RYR2: variants seen among roughly 807,000 people sequenced by gnomAD.
RYR2 encodes the protein ryanodine receptor 2, also known as cardiac muscle ryanodine receptor-calcium release channel.
A neutral mutation model predicts 601.1 loss-of-function variants in RYR2; 227 were observed. The ratio of observed to expected loss-of-function variants is 0.38; its 90% CI spans 0.34 to 0.42. The LOEUF (loss-of-function observed/expected upper bound fraction) is 0.42, where lower values mean the gene tolerates loss of function less well. Among genes scored for constraint, RYR2 ranks in the 10% least tolerant of loss-of-function variants. The probability of loss-of-function intolerance (pLI) is 1.00; values close to 1 mark genes in which losing one functional copy is unlikely to be tolerated. For synonymous variants in RYR2, 2,223 were observed against 2,175.1 expected (o/e 1.02, Z -0.61); for missense variants, 4,646 against 6,156.5 (o/e 0.75, Z 8.21).
rs1485254839 is a variant in RYR2 at position 237,564,129 on chromosome 1, C to T, written c.3215-2438C>T. Among the ~76,000 whole-genome samples, 4 of 152,006 alleles carry T rather than the reference C, an allele frequency of 2.6e-5. No individual in the cohort carries two copies. In the East Asian group the frequency reaches 7.7e-4, roughly 29 times the overall value. ...TGTAATTTATAGCTCATATTTATCT[C>T]TTAGATTCATTTAGGGAAGATTACA... is the stretch of plus-strand genomic sequence containing the variant. On this transcript the variant is annotated intron_variant, in intron 27 of 104. Transcript: ENST00000366574.
At chr1:237,638,554 G>A in intron 45 of RYR2, 62 bp downstream of exon 45, 1 of 1,535,536 alleles carries the variant, frequency 6.5e-7, no homozygotes, top group South Asian at 1.2e-5. Flanking sequence ...GATATAATAA[G>A]GATTCATCTC....
At chr1:237,171,527 C>T (rs1041684319) in intron 1 of RYR2, among the ~76,000 whole-genome samples, 1 of 152,176 alleles carries the variant, frequency 6.6e-6, no homozygotes, top group Non-Finnish European at 1.5e-5. Context: ...TACTCATTTC[C>T]TTACTATGTG....
rs910036309 is a variant in RYR2, at chr1:237,819,074, A to C, written c.14472A>C (p.Gly4824=). Residue 4824 remains glycine, a synonymous_variant, in exon 101 of 105, where the codon GGA becomes GGC. Coordinates refer to ENST00000366574, the MANE Select transcript of RYR2 (RefSeq NM_001035.3). The surrounding 1 kb of genome is among the most constrained non-coding windows in gnomAD (Gnocchi z 4.0). ...MFHMYVGVRA[G]GGIGDEIEDP... ...ACATGTATGTTGGAGTTCGTGCTGG[A>C]GGAGGGATCGGGGATGAAATCGAAG... 6.2e-7 allele frequency: 1 copy of C among 1,613,864 alleles called. No homozygotes were observed. The highest frequency in any genetic ancestry group is 8.5e-7 in the Non-Finnish European group (1 of 1,179,836).
intron 84 of RYR2, among the ~76,000 whole-genome samples, chr1:237,763,929 T>G (rs1054637393): frequency 6.6e-6 from 1 of 152,180 alleles, no homozygotes; most frequent in Non-Finnish European, 1.5e-5. Context: ...ATCATCCCTC[T>G]TGGAAGGGAT....
In RYR2 at chr1:237,614,791, G is replaced by A. The variant is rs869025511; in HGVS notation, c.5663G>A (p.Arg1888Gln). Reference sequence around the variant, plus strand: ...GAGGAAGAAGCCAAGGGGGGCAAGCGGCCCAAGGAAGGCCTGCTCCAAATG... The same window carrying A: ...GAGGAAGAAGCCAAGGGGGGCAAGCAGCCCAAGGAAGGCCTGCTCCAAATG... ...AGEEEAKGGK[R>Q]PKEGLLQMKL... Residue 1888 changes from arginine (R) to glutamine (Q), a missense_variant, in exon 37 of 105, where the codon CGG becomes CAG. Physicochemically the swap from Arg to Gln is conservative, Grantham distance 43. Around this residue, in one of 17 missense-constraint regions of RYR2, gnomAD observed 1,807 missense variants for 2,088.1 expected, o/e 0.87. Coordinates refer to ENST00000366574, the MANE Select transcript of RYR2 (RefSeq NM_001035.3). The surrounding 1 kb of genome is among the most constrained non-coding windows in gnomAD (Gnocchi z 4.3). 9 of 1,606,770 alleles carry A rather than the reference G, an allele frequency of 5.6e-6. No homozygotes were observed. Among genetic ancestry groups the A allele is most frequent in the South Asian group, 3.3e-5 (3 of 90,444 alleles).
In RYR2 at chr1:237,624,651, T is replaced by C. The variant is rs868212580; in HGVS notation, c.6022+781T>C. 3.9e-5 allele frequency among the ~76,000 whole-genome samples: 6 copies of C among 152,306 alleles called. No individual in the cohort carries two copies. The Middle Eastern group carries it at 0.01, about 259-fold the overall frequency. ...ATGCCTATGGAAACCCTACATTAAG[T>C]TGTTATGTCAGTAATCCAAATCTGT... On this transcript the variant is annotated intron_variant, in intron 39 of 104. Transcript: ENST00000366574.
chr1:237,374,356 A>G (rs534878130), intron 6 of RYR2, among the ~76,000 whole-genome samples: 7 of 151,192 alleles, frequency 4.6e-5, no homozygotes, highest in Admixed American at 4.6e-4. Context: ...TCTCATCTCT[A>G]TGGAAAAAAA....
intron 3 of RYR2, among the ~76,000 whole-genome samples, chr1:237,335,878 A>T (rs894245257): frequency 5.9e-5 from 9 of 152,192 alleles, no homozygotes; most frequent in African/African-American, 1.9e-4. Context: ...ATACTTTAAA[A>T]ATCTATAAAA....
At chr1:237,800,173 T>A (rs1659794442) in intron 97 of RYR2, 1 of 152,146 alleles carries the variant, frequency 6.6e-6, no homozygotes, top group Non-Finnish European at 1.5e-5. Context: ...TAAAATAAAA[T>A]AAATAAGAAA....
intron 29 of RYR2, among the ~76,000 whole-genome samples, chr1:237,570,649 A>G (rs768214574): frequency 9.9e-5 from 15 of 152,186 alleles, no homozygotes; most frequent in Admixed American, 1.3e-4. Context: ...TAAATTTTAA[A>G]AAGTTAAGAA....
At chr1:237,563,411 C>CAA (rs35997311) in intron 27 of RYR2, among the ~76,000 whole-genome samples, 70,622 of 132,168 alleles carry the variant, frequency 0.53, 19,870 homozygotes, top group South Asian at 0.66. Context: ...AACTCCATCT[C>CAA]AAAAAAAAAA....
chr1:237,119,753 A>G (rs1395084276), intron 1 of RYR2, among the ~76,000 whole-genome samples: 2 of 152,196 alleles, frequency 1.3e-5, no homozygotes, highest in Admixed American at 6.5e-5. Flanking sequence ...TTTCGGTGCC[A>G]GGGAGACCTG....
At chr1:237,669,594 G>T in intron 58 of RYR2, among the ~76,000 whole-genome samples, 1 of 150,728 alleles carries the variant, frequency 6.6e-6, no homozygotes, top group Admixed American at 6.6e-5. Context: ...CAGGCAGAGG[G>T]TCTCCTCACT....
chr1:237,794,710 C>T (rs570318971), intron 95 of RYR2, among the ~76,000 whole-genome samples: 9 of 152,200 alleles, frequency 5.9e-5, no homozygotes, highest in South Asian at 2.1e-4. Flanking sequence ...TAATGGGTTC[C>T]GAGTTGTCAA....
chr1:237,503,627 A>G, intron 22 of RYR2, 122 bp downstream of exon 22: 2 of 839,212 alleles, frequency 2.4e-6, no homozygotes, highest in East Asian at 2.5e-5. Context: ...TACAGTTGAC[A>G]TGTAGGACTG....
rs74333310 is a variant in RYR2, at chr1:237,471,357, C to T, written c.1708+2170C>T. ...GGACTGCTCTTCATTAAAAGGTAAA[C>T]CTTACCAAGGACTCCTGTACCCTCA... On this transcript the variant is annotated intron_variant, in intron 17 of 104. Coordinates refer to ENST00000366574, the MANE Select transcript of RYR2 (RefSeq NM_001035.3). Among the ~76,000 whole-genome samples the T allele has an allele frequency of 7.0e-3, 1,065 of 152,274 alleles. 4 individuals carry two copies. Among genetic ancestry groups the T allele is most frequent in the Non-Finnish European group, 0.012 (797 of 68,026 alleles).
intron 29 of RYR2, among the ~76,000 whole-genome samples, chr1:237,569,670 C>T (rs1399957740): frequency 1.3e-5 from 2 of 152,142 alleles, no homozygotes; most frequent in African/African-American, 2.4e-5. Flanking sequence ...TTATTCATCT[C>T]ATAAAAGTGA....
intron 1 of RYR2, among the ~76,000 whole-genome samples, chr1:237,112,729 T>G (rs750187871): frequency 5.3e-5 from 8 of 152,170 alleles, no homozygotes; most frequent in Non-Finnish European, 1.0e-4. Flanking sequence ...CCACTTTTGT[T>G]TGATTTATCT....
intron 1 of RYR2, among the ~76,000 whole-genome samples, chr1:237,151,517 G>T (rs141208392): frequency 3.4e-4 from 52 of 152,306 alleles, no homozygotes; most frequent in African/African-American, 1.2e-3. Flanking sequence ...ATAGTGATAT[G>T]ATTATAGAAC....
Sources: allele counts gnomAD v4.1 joint callset (sites outside exome capture counted in the v4.1 genomes callset), GRCh38; gene constraint gnomAD v4.1.1; regional missense constraint gnomAD v4.1.1; non-coding constraint Gnocchi (gnomAD v3.1); transcripts MANE v1.5; gene names NCBI Gene and HGNC (gene_info 2026-07-23, HGNC 2026-07-21).